The following DDC variants were observed in gnomAD, a reference collection of about 807,000 sequenced individuals.
DDC encodes the protein dopa decarboxylase.
DDC carries 43 observed loss-of-function variants against 60.0 expected under a neutral mutation model. The ratio of observed to expected loss-of-function variants is 0.72; its 90% CI spans 0.56 to 0.92. The LOEUF is 0.92. Ranked by LOEUF, DDC falls within the 40% of genes least tolerant of loss-of-function variation. DDC has a pLI of 0.00. For synonymous variants in DDC, 232 were observed against 234.6 expected (o/e 0.99, Z 0.10); for missense variants, 573 against 620.2 (o/e 0.92, Z 0.81).
chr7:50,557,582 C>A lies in DDC; in HGVS notation c.-29+7703G>T, dbSNP rs183266778. Among the ~76,000 whole-genome samples the A allele has an allele frequency of 6.6e-5, 10 of 152,318 alleles. No homozygotes were observed. The East Asian group carries it at 1.9e-3, about 29-fold the overall frequency. ...ATTACAAGGTGCAGAATTTCCTTAA[C>A]ATAACGCTCCTATTTGCACTTATTA... On this transcript the variant is annotated intron_variant, in intron 1 of 14. Coordinates refer to ENST00000444124, the MANE Select transcript of DDC (RefSeq NM_001082971.2).
intron 9 of DDC, among the ~76,000 whole-genome samples, chr7:50,488,793 C>A (rs559279106): frequency 3.4e-4 from 51 of 152,216 alleles, no homozygotes; most frequent in African/African-American, 1.1e-3. Flanking sequence ...AATTACAAGA[C>A]ATTTTAATTT....
chr7:50,492,599 A>G, intron 9 of DDC: 1 of 873,684 alleles, frequency 1.1e-6, no homozygotes, highest in South Asian at 3.1e-5. Context: ...AACTAACCCC[A>G]TCACCCTTCT....
At chr7:50,485,431 T>C (rs192409998) in intron 9 of DDC, among the ~76,000 whole-genome samples, 1 of 152,230 alleles carries the variant, frequency 6.6e-6, no homozygotes, top group Non-Finnish European at 1.5e-5. Flanking sequence ...TTATGTTAAA[T>C]TATGGACTAA....
chr7:50,468,930 CATT>C (rs1443576461), intron 12 of DDC, among the ~76,000 whole-genome samples: 3 of 122,896 alleles, frequency 2.4e-5, no homozygotes, highest in East Asian at 4.8e-4. Flanking sequence ...TCAGTTTCCT[CATT>C]TTTTTTTTTT....
At chr7:50,479,700 T>G (rs981957907) in intron 10 of DDC, 87 bp downstream of exon 10, 42 of 1,137,736 alleles carry the variant, frequency 3.7e-5, no homozygotes, top group African/African-American at 1.5e-5. Flanking sequence ...ATATGGATGG[T>G]CTTCCCCTAA....
At chr7:50,460,478 G>A (rs1327773142) in intron 14 of DDC, among the ~76,000 whole-genome samples, 27 of 150,566 alleles carry the variant, frequency 1.8e-4, no homozygotes, top group Non-Finnish European at 3.5e-4. Flanking sequence ...GGTGAGGGGC[G>A]CCTCTGCCCG....
At chr7:50,502,383 G>A (rs906789203) in intron 7 of DDC, among the ~76,000 whole-genome samples, 3 of 152,168 alleles carry the variant, frequency 2.0e-5, no homozygotes, top group African/African-American at 7.2e-5. Context: ...GGGGACAGCA[G>A]GCCATGTGGG....
In DDC at chr7:50,509,938, C is replaced by T. The variant is rs554800738; in HGVS notation, c.715-5879G>A. Among the ~76,000 whole-genome samples the T allele has an allele frequency of 1.6e-4, 25 of 152,110 alleles. No homozygotes were observed. The East Asian group carries it at 4.8e-3, about 29-fold the overall frequency. The stretch of plus-strand genomic sequence containing the variant: ...CAAGAAATTCTGATAAGTAAATTTT[C>T]TCATTTACTTATCTTACTTATATAA... On this transcript the variant is annotated intron_variant, in intron 6 of 14. Transcript: ENST00000444124.
chr7:50,544,625 C>T (rs930817197), intron 1 of DDC, among the ~76,000 whole-genome samples: 5 of 152,198 alleles, frequency 3.3e-5, no homozygotes, highest in Admixed American at 1.3e-4. Flanking sequence ...TTCTTCTCTC[C>T]TCTTGATTCT....
chr7:50,463,842 A>C (rs1046875535), intron 13 of DDC, among the ~76,000 whole-genome samples: 2 of 152,232 alleles, frequency 1.3e-5, no homozygotes, highest in South Asian at 4.1e-4. Context: ...AAAATGAAGC[A>C]TAACGGTCAA....
chr7:50,530,597 G>T (rs1012175251), intron 4 of DDC, among the ~76,000 whole-genome samples: 1 of 152,136 alleles, frequency 6.6e-6, no homozygotes, highest in African/African-American at 2.4e-5. Flanking sequence ...TGTGCAGAGA[G>T]GTTCACTAAC....
chr7:50,462,166 GAA>G (rs1317537236), intron 14 of DDC, among the ~76,000 whole-genome samples: 1 of 122,256 alleles, frequency 8.2e-6, no homozygotes, highest in South Asian at 2.6e-4. Context: ...GGGAGAGAGA[GAA>G]AGAGAAGCAG....
rs551679137 is a variant in DDC at position 50,543,407 on chromosome 7, G to T, written c.201+478C>A. Reference sequence around the variant, plus strand: ...GGCTTCAGAGAAAAAGGGCTGCCTTGGTGGGCAGCACCACACTGCCCACTC... The same window carrying T: ...GGCTTCAGAGAAAAAGGGCTGCCTTTGTGGGCAGCACCACACTGCCCACTC... On this transcript the variant is annotated intron_variant, in intron 2 of 14. Transcript: ENST00000444124. 190 of 234,650 alleles carry T rather than the reference G, an allele frequency of 8.1e-4. 1 individual carries two copies. The highest frequency in any genetic ancestry group is 4.1e-3 in the African/African-American group (181 of 44,478). 14.5% of individuals were successfully genotyped at this position (234,650 alleles called of 1,614,324 possible).
chr7:50,540,491 C>CA (rs1415814378), intron 2 of DDC, among the ~76,000 whole-genome samples: 3 of 68,962 alleles, frequency 4.4e-5, no homozygotes, highest in Admixed American at 1.2e-4. Flanking sequence ...AACAAACAAA[C>CA]AAACAAAAAA....
intron 4 of DDC, chr7:50,531,884 T>C (rs1239836406): frequency 2.6e-5 from 4 of 151,958 alleles, no homozygotes; most frequent in African/African-American, 9.7e-5. Flanking sequence ...GCTCAGGAGG[T>C]AGGAGGGGAT....
At chr7:50,487,376 T>G (rs1259228436) in intron 9 of DDC, among the ~76,000 whole-genome samples, 2 of 152,162 alleles carry the variant, frequency 1.3e-5, no homozygotes, top group Non-Finnish European at 2.9e-5. Context: ...GGGTTAGTAG[T>G]GTATCGTAGG....
chr7:50,476,494 A>G, intron 11 of DDC, 130 bp downstream of exon 11: 1 of 863,644 alleles, frequency 1.2e-6, no homozygotes, highest in Non-Finnish European at 2.0e-6. Context: ...TTTGTCAGTT[A>G]GGACCCAGTT....
chr7:50,516,656 G>C (rs2043739780), intron 6 of DDC, among the ~76,000 whole-genome samples: 1 of 151,986 alleles, frequency 6.6e-6, no homozygotes. Flanking sequence ...TCTTTGAAAA[G>C]TTAAATAAAA....
intron 6 of DDC, among the ~76,000 whole-genome samples, chr7:50,517,493 G>A (rs1027281460): frequency 6.6e-6 from 1 of 152,146 alleles, no homozygotes; most frequent in Non-Finnish European, 1.5e-5. Context: ...AAAGTTGAAA[G>A]CATTCCCTCT....
Sources: allele counts gnomAD v4.1 joint callset (sites outside exome capture counted in the v4.1 genomes callset), GRCh38; gene constraint gnomAD v4.1.1; transcripts MANE v1.5; gene names NCBI Gene and HGNC (gene_info 2026-07-23, HGNC 2026-07-21).